Variants in AGBL1 observed in about 807,000 individuals in gnomAD.
The protein encoded by AGBL1 is cytosolic carboxypeptidase 4.
AGBL1 carries 130 observed loss-of-function variants against 118.9 expected under a neutral mutation model. The observed-to-expected ratio is 1.09, with a 90% CI of 0.95 to 1.26. The LOEUF (loss-of-function observed/expected upper bound fraction) is 1.26, where lower values mean the gene tolerates loss of function less well. Among genes scored for constraint, AGBL1 ranks in the 50% most tolerant of loss-of-function variants. The pLI is 0.00. For missense variants in AGBL1, 1,584 were observed against 1,298.1 expected (o/e 1.22, Z -3.38); for synonymous variants, 555 against 478.9 (o/e 1.16, Z -2.08).
At chr15:86,762,704 C>G (rs2078043550) in intron 22 of AGBL1, among the ~76,000 whole-genome samples, 1 of 151,914 alleles carries the variant, frequency 6.6e-6, no homozygotes, top group South Asian at 2.1e-4. Flanking sequence ...AACCCTGTGA[C>G]TTTAGAGAAG....
chr15:86,187,831 A>T (rs1189430850), intron 5 of AGBL1, among the ~76,000 whole-genome samples: 1 of 152,144 alleles, frequency 6.6e-6, no homozygotes, highest in Non-Finnish European at 1.5e-5. Flanking sequence ...TTGACATTTG[A>T]AGTCAACATC....
At chr15:86,858,717 A>G (rs2079520289) in intron 22 of AGBL1, among the ~76,000 whole-genome samples, 1 of 152,128 alleles carries the variant, frequency 6.6e-6, no homozygotes, top group Non-Finnish European at 1.5e-5. Context: ...AGTAAAATCT[A>G]CGGAATGTTG....
intron 18 of AGBL1, among the ~76,000 whole-genome samples, chr15:86,508,201 C>T (rs183678562): frequency 1.3e-5 from 2 of 151,812 alleles, no homozygotes; most frequent in Non-Finnish European, 2.9e-5. Flanking sequence ...GGATTACAGG[C>T]GTGAACCACT....
intron 21 of AGBL1, among the ~76,000 whole-genome samples, chr15:86,623,723 A>C (rs567506241): frequency 2.6e-5 from 4 of 152,318 alleles, no homozygotes; most frequent in African/African-American, 4.8e-5. Context: ...TTTCTAAATA[A>C]TTTTGCAATA....
At chr15:86,566,703 A>C (rs773305298) in intron 21 of AGBL1, among the ~76,000 whole-genome samples, 3 of 152,144 alleles carry the variant, frequency 2.0e-5, no homozygotes, top group Admixed American at 6.5e-5. Context: ...TTGCCTCTGT[A>C]TCAGGATACA....
chr15:86,647,133 ACAAT>A (rs756835474), intron 21 of AGBL1, among the ~76,000 whole-genome samples: 62 of 152,288 alleles, frequency 4.1e-4, no homozygotes, highest in East Asian at 3.9e-3. Flanking sequence ...GATTTATATA[ACAAT>A]CAACCATATT....
chr15:86,379,790 C>T (rs1257388967), intron 17 of AGBL1, among the ~76,000 whole-genome samples: 2 of 152,168 alleles, frequency 1.3e-5, no homozygotes, highest in Non-Finnish European at 2.9e-5. Flanking sequence ...AGCTTATTTG[C>T]CCTTCTCTAC....
At chr15:86,984,980 T>C (rs2570120) in intron 23 of AGBL1, among the ~76,000 whole-genome samples, 123,798 of 151,968 alleles carry the variant, frequency 0.81, 51,031 homozygotes, top group South Asian at 0.94. Flanking sequence ...GATTTATAAA[T>C]TGAAACATTC....
chr15:86,477,130 G>GA (rs1401001150), intron 18 of AGBL1, among the ~76,000 whole-genome samples: 1 of 152,072 alleles, frequency 6.6e-6, no homozygotes, highest in African/African-American at 2.4e-5. Context: ...GAGAAAGCAG[G>GA]AAAGATCTAA....
intron 22 of AGBL1, among the ~76,000 whole-genome samples, chr15:86,837,768 G>C (rs1567199869): frequency 6.6e-6 from 1 of 152,214 alleles, no homozygotes; most frequent in Admixed American, 6.5e-5. Context: ...TTTTGGATTA[G>C]AGCGTGAGAG....
At chr15:86,831,120 A>T (rs1017314502) in intron 22 of AGBL1, among the ~76,000 whole-genome samples, 1 of 152,270 alleles carries the variant, frequency 6.6e-6, no homozygotes, top group South Asian at 2.1e-4. Context: ...ATTCACTACC[A>T]TGAGAACAGC....
Position 86,536,003 on chromosome 15 carries a change from G to C in AGBL1, c.2686-9999G>C, listed in dbSNP as rs74330767. ...TGGTAGGAAAAGAACAAACACTCCT[G>C]TTCCATAGTCAGGAAGGACAGAATA... On this transcript the variant is annotated intron_variant, in intron 19 of 22. Transcript: ENST00000614907. Among the ~76,000 whole-genome samples the C allele has an allele frequency of 1.3e-4, 20 of 152,204 alleles. 1 individual carries two copies. The East Asian group carries it at 3.9e-3, about 29-fold the overall frequency.
At chr15:86,920,435 T>C (rs2080472055), downstream of AGBL1, among the ~76,000 whole-genome samples, 1 of 152,220 alleles carries the variant, frequency 6.6e-6, no homozygotes, top group Non-Finnish European at 1.5e-5. Flanking sequence ...CCTGATCATC[T>C]ATTCTTTGCC....
intron 24 of AGBL1, among the ~76,000 whole-genome samples, chr15:87,017,941 G>C (rs774929284): frequency 4.0e-5 from 6 of 148,874 alleles, no homozygotes; most frequent in Admixed American, 2.6e-4. Flanking sequence ...AGCCAGTTTC[G>C]AGATGAACAT....
intron 23 of AGBL1, among the ~76,000 whole-genome samples, chr15:86,965,709 T>C (rs1311872764): frequency 1.3e-5 from 2 of 152,078 alleles, no homozygotes; most frequent in Admixed American, 6.6e-5. Context: ...TGCAGGGACA[T>C]GGATGAAGCT....
intron 2 of AGBL1, among the ~76,000 whole-genome samples, chr15:86,142,447 A>G (rs770892541): frequency 5.3e-5 from 8 of 152,178 alleles, no homozygotes; most frequent in Non-Finnish European, 4.4e-5. Flanking sequence ...AAAGCATGTA[A>G]GCATCACGTT....
rs78657854 is a variant in AGBL1 at position 86,538,751 on chromosome 15, A to G, written c.2686-7251A>G. Among the ~76,000 whole-genome samples the G allele has an allele frequency of 4.0e-3, 617 of 152,368 alleles. 9 individuals carry two copies. Among genetic ancestry groups the G allele is most frequent in the African/African-American group, 0.014 (592 of 41,592 alleles). ...GAATGAGACCCAGATGTCAGAATGG[A>G]AAGCACAGCAGTTTACATTGGCAAA... On this transcript the variant is annotated intron_variant, in intron 19 of 22. Transcript: ENST00000614907.
chr15:86,985,363 T>C (rs949824794), intron 23 of AGBL1, among the ~76,000 whole-genome samples: 3 of 152,232 alleles, frequency 2.0e-5, no homozygotes, highest in Non-Finnish European at 4.4e-5. Flanking sequence ...CAGCAATGTA[T>C]GAGAATTTCA....
intron 22 of AGBL1, among the ~76,000 whole-genome samples, chr15:86,834,633 T>C (rs1213127781): frequency 6.6e-6 from 1 of 152,192 alleles, no homozygotes; most frequent in Non-Finnish European, 1.5e-5. Flanking sequence ...GTACCCTCTC[T>C]GATCCTTTTG....
Sources: allele counts gnomAD v4.1 joint callset (sites outside exome capture counted in the v4.1 genomes callset), GRCh38; gene constraint gnomAD v4.1.1; transcripts MANE v1.5; gene names NCBI Gene and HGNC (gene_info 2026-07-23, HGNC 2026-07-21).